The following SENP7 variants were observed in gnomAD, a reference collection of about 807,000 sequenced individuals.
SENP7 encodes SUMO specific peptidase 7.
Under a neutral mutation model 141.2 loss-of-function variants are expected in SENP7, and 64 were observed. The ratio of observed to expected loss-of-function variants is 0.45; its 90% CI spans 0.37 to 0.56. The LOEUF is 0.56. Among genes scored for constraint, SENP7 ranks in the 20% least tolerant of loss-of-function variants. The probability of loss-of-function intolerance (pLI) is 0.00; values close to 1 mark genes in which losing one functional copy is unlikely to be tolerated. For synonymous variants in SENP7, 382 were observed against 426.4 expected (o/e 0.90, Z 1.28); for missense variants, 1,025 against 1,212.2 (o/e 0.85, Z 2.29).
intron 5 of SENP7, among the ~76,000 whole-genome samples, chr3:101,411,873 C>T (rs1431967972): frequency 6.6e-6 from 1 of 152,066 alleles, no homozygotes; most frequent in Non-Finnish European, 1.5e-5. Context: ...ATACACTAAA[C>T]CAAAGCAGAA....
At chr3:101,349,708 T>C (rs1387711436) in intron 12 of SENP7, among the ~76,000 whole-genome samples, 2 of 152,106 alleles carry the variant, frequency 1.3e-5, no homozygotes, top group East Asian at 1.9e-4. Flanking sequence ...AAAAAGATTA[T>C]CTTTTTAAAA....
chr3:101,482,172 G>A (rs190634961), intron 3 of SENP7, among the ~76,000 whole-genome samples: 6 of 152,034 alleles, frequency 3.9e-5, no homozygotes, highest in Non-Finnish European at 7.4e-5. Context: ...AATTAGCCAG[G>A]TGTGGTGGCG....
At chr3:101,480,998 A>C (rs1315005068) in intron 3 of SENP7, among the ~76,000 whole-genome samples, 2 of 151,880 alleles carry the variant, frequency 1.3e-5, no homozygotes, top group Non-Finnish European at 2.9e-5. Context: ...AGGATGCAGG[A>C]AAAAAGGAAC....
chr3:101,465,525 G>T (rs2063731606), intron 3 of SENP7, among the ~76,000 whole-genome samples: 1 of 152,128 alleles, frequency 6.6e-6, no homozygotes, highest in African/African-American at 2.4e-5. Context: ...CATCACTTAG[G>T]AACTGTGACA....
At chr3:101,464,499 T>C (rs1368680430) in intron 3 of SENP7, among the ~76,000 whole-genome samples, 1 of 152,008 alleles carries the variant, frequency 6.6e-6, no homozygotes, top group Non-Finnish European at 1.5e-5. Flanking sequence ...GCACAAACCC[T>C]ATTATGAACT....
At position 101,361,868 on chromosome 3, in the gene SENP7, A is replaced by C; in HGVS notation, c.1477-7T>G. Reference sequence around the variant, plus strand: ...GGCATAATTCAGATGACATCTAACAAGGAATAAATCATAAAATGCATATAA... The same window carrying C: ...GGCATAATTCAGATGACATCTAACACGGAATAAATCATAAAATGCATATAA... On this transcript the variant is annotated splice_region_variant and splice_polypyrimidine_tract_variant and intron_variant, in intron 10 of 23. Coordinates refer to ENST00000394095, the MANE Select transcript of SENP7 (RefSeq NM_020654.5). 3 of 1,586,742 alleles carry C rather than the reference A, an allele frequency of 1.9e-6. No individual in the cohort carries two copies. The highest frequency in any genetic ancestry group is 2.6e-6 in the Non-Finnish European group (3 of 1,171,926).
intron 2 of SENP7, among the ~76,000 whole-genome samples, chr3:101,500,337 T>C (rs887174905): frequency 5.9e-5 from 9 of 152,162 alleles, no homozygotes; most frequent in African/African-American, 1.9e-4. Flanking sequence ...GGAGGATTGC[T>C]TGAGGCCAGG....
At chr3:101,339,342 C>A (rs2059270244) in intron 16 of SENP7, among the ~76,000 whole-genome samples, 1 of 152,140 alleles carries the variant, frequency 6.6e-6, no homozygotes, top group African/African-American at 2.4e-5. Flanking sequence ...AGATACAGTA[C>A]AAAATGACGG....
intron 6 of SENP7, among the ~76,000 whole-genome samples, chr3:101,394,517 T>A (rs200573572): frequency 0.018 from 1,578 of 89,960 alleles, 16 homozygotes; most frequent in African/African-American, 0.053. Context: ...TTTTTAAAAA[T>A]TTTTTTTTTT....
At chr3:101,463,379 A>ATATG (rs1439976158) in intron 3 of SENP7, among the ~76,000 whole-genome samples, 2 of 79,386 alleles carry the variant, frequency 2.5e-5, no homozygotes, top group Non-Finnish European at 2.4e-5. Context: ...ATATATATAT[A>ATATG]TATATATATA....
Position 101,327,827 on chromosome 3 carries a change from C to A in SENP7, c.2865-11G>T, listed in dbSNP as rs9849770. On this transcript the variant is annotated splice_polypyrimidine_tract_variant and intron_variant, in intron 22 of 23. Transcript: ENST00000394095. The stretch of plus-strand genomic sequence containing the variant: ...TCTACCTCTAAATACCTGAAATAAT[C>A]AACAAATAAGAGTGACTAAAGTAGA... 0.41 allele frequency: 642,752 copies of A among 1,567,000 alleles called. 135,497 individuals carry two copies. The highest frequency in any genetic ancestry group is 0.61 in the Admixed American group (34,962 of 57,056).
chr3:101,361,717 T>A lies in SENP7; in HGVS notation c.1621A>T (p.Thr541Ser). 6.4e-7 allele frequency: 1 copy of A among 1,562,588 alleles called. No individual in the cohort carries two copies. Among genetic ancestry groups the A allele is most frequent in the Non-Finnish European group, 8.6e-7 (1 of 1,162,616 alleles). Residue 541 changes from threonine (T) to serine (S), a missense_variant and splice_region_variant, in exon 11 of 24, where the codon ACA becomes TCA. By Grantham distance (58) the Thr-to-Ser change is moderately conservative. Around this residue, in one of 4 missense-constraint regions of SENP7, gnomAD observed 228 missense variants for 228.5 expected, o/e 1.00. Coordinates refer to ENST00000394095, the MANE Select transcript of SENP7 (RefSeq NM_020654.5). The stretch of plus-strand genomic sequence containing the variant: ...AAAATTAAAGAAAATATACTTACTG[T>A]AACACAACCTTTAGAAGCTCCTTTT... ...KIKGASKGCV[T>S]ITKKYIKIPF...
intron 4 of SENP7, among the ~76,000 whole-genome samples, chr3:101,447,683 C>T (rs1259402274): frequency 2.0e-5 from 3 of 152,044 alleles, no homozygotes; most frequent in East Asian, 3.9e-4. Context: ...AGATTCAATA[C>T]AATCTCTGTC....
At chr3:101,364,755 G>T in intron 10 of SENP7, 79 bp downstream of exon 10, 4 of 1,043,352 alleles carry the variant, frequency 3.8e-6, no homozygotes, top group Admixed American at 2.9e-5. Context: ...ACAATATTCA[G>T]CTTGATAAAA....
intron 9 of SENP7, 105 bp from the exon 10 acceptor site, chr3:101,365,096 G>A (rs575592034): frequency 4.8e-5 from 31 of 650,948 alleles, no homozygotes; most frequent in East Asian, 1.9e-4. Context: ...TCCACCTCCC[G>A]GGCTCAGGCA....
intron 2 of SENP7, among the ~76,000 whole-genome samples, chr3:101,495,551 A>G (rs1338999536): frequency 6.6e-6 from 1 of 152,238 alleles, no homozygotes; most frequent in African/African-American, 2.4e-5. Context: ...ACATATATAC[A>G]TAGGATACTA....
chr3:101,366,075 A>G (rs1337572741), intron 9 of SENP7, among the ~76,000 whole-genome samples: 1 of 152,248 alleles, frequency 6.6e-6, no homozygotes, highest in African/African-American at 2.4e-5. Context: ...TGATTAAATG[A>G]AAATTAATGA....
At chr3:101,449,474 G>A (rs1015320308) in intron 4 of SENP7, among the ~76,000 whole-genome samples, 1 of 152,198 alleles carries the variant, frequency 6.6e-6, no homozygotes, top group Non-Finnish European at 1.5e-5. Context: ...AGAGAGGAAG[G>A]TCGGGTTACC....
Position 101,370,736 on chromosome 3 carries a change from A to G in SENP7, c.796+1272T>C, listed in dbSNP as rs989068383. Among the ~76,000 whole-genome samples the G allele has an allele frequency of 4.6e-5, 7 of 152,302 alleles. No individual in the cohort carries two copies. In the South Asian group the frequency reaches 1.2e-3, roughly 27 times the overall value. On this transcript the variant is annotated intron_variant, in intron 7 of 23. Coordinates refer to ENST00000394095, the MANE Select transcript of SENP7 (RefSeq NM_020654.5). ...TATAAGAAAATAAATGTTTTTCATT[A>G]TACACTGACAGTGACTAATTGGAAG...
Sources: allele counts gnomAD v4.1 joint callset (sites outside exome capture counted in the v4.1 genomes callset), GRCh38; gene constraint gnomAD v4.1.1; regional missense constraint gnomAD v4.1.1; transcripts MANE v1.5; gene names NCBI Gene and HGNC (gene_info 2026-07-23, HGNC 2026-07-21).